JARID2: variants seen among roughly 807,000 people sequenced by gnomAD.
JARID2 encodes the protein protein Jumonji.
In JARID2, 21 loss-of-function variants were observed where a neutral mutation model predicts 125.6. That is an observed-to-expected ratio of 0.17 (90% confidence interval 0.12 to 0.24). The LOEUF is 0.24. Ranked by LOEUF, JARID2 falls within the 10% of genes least tolerant of loss-of-function variation. JARID2 has a pLI of 1.00. For missense variants in JARID2, 1,303 were observed against 1,639.6 expected, an observed-to-expected ratio of 0.79 and a Z score of 3.55; for synonymous variants, 736 against 661.6, an observed-to-expected ratio of 1.11 and a Z score of -1.73.
chr6:15,333,172 T>A (rs1581423458), intron 1 of JARID2, among the ~76,000 whole-genome samples: 1 of 152,104 alleles, frequency 6.6e-6, no homozygotes, highest in South Asian at 2.1e-4. Context: ...GACCTCGTGA[T>A]CCACCCGCCT....
intron 1 of JARID2, among the ~76,000 whole-genome samples, chr6:15,349,960 T>G (rs766436561): frequency 3.9e-5 from 6 of 152,200 alleles, no homozygotes; most frequent in Non-Finnish European, 7.3e-5. Flanking sequence ...AATCTGGATA[T>G]TCTCGGTTCT....
intron 1 of JARID2, among the ~76,000 whole-genome samples, chr6:15,297,805 C>T (rs1336682249): frequency 6.6e-6 from 1 of 151,522 alleles, no homozygotes; most frequent in African/African-American, 2.4e-5. Flanking sequence ...AGAGTGGAAA[C>T]AAGTACTAGA....
intron 1 of JARID2, among the ~76,000 whole-genome samples, chr6:15,249,406 G>C (rs1384621039): frequency 6.6e-6 from 1 of 152,200 alleles, no homozygotes; most frequent in Non-Finnish European, 1.5e-5. Flanking sequence ...ACCAAAGGAA[G>C]ACTTGTCATT....
chr6:15,295,188 C>G (rs1054879407), intron 1 of JARID2, among the ~76,000 whole-genome samples: 1 of 144,590 alleles, frequency 6.9e-6, no homozygotes, highest in Admixed American at 7.1e-5. Context: ...GTGACGCCAT[C>G]TTGGCTCACT....
intron 4 of JARID2, among the ~76,000 whole-genome samples, chr6:15,464,701 C>T (rs978433162): frequency 6.6e-6 from 1 of 152,226 alleles, no homozygotes; most frequent in Non-Finnish European, 1.5e-5. Context: ...CTACACTTTC[C>T]CTTTTCCCAG....
At chr6:15,440,966 A>G (rs375737508) in intron 3 of JARID2, among the ~76,000 whole-genome samples, 14 of 152,218 alleles carry the variant, frequency 9.2e-5, no homozygotes, top group African/African-American at 3.4e-4. Context: ...AGTTTAAGTA[A>G]TGCCCCATAC....
intron 1 of JARID2, among the ~76,000 whole-genome samples, chr6:15,263,214 AACACTGGTC>A: frequency 6.6e-6 from 1 of 151,808 alleles, no homozygotes; most frequent in Non-Finnish European, 1.5e-5. Flanking sequence ...GCAAACCGTA[AACACTGGTC>A]ACACGTGCTT....
intron 5 of JARID2, among the ~76,000 whole-genome samples, chr6:15,480,693 G>A (rs1393446754): frequency 6.6e-6 from 1 of 152,190 alleles, no homozygotes; most frequent in Non-Finnish European, 1.5e-5. Flanking sequence ...AGAACGCAAA[G>A]CACTTATATA....
chr6:15,468,431 G>A (rs1020469072), intron 4 of JARID2, 111 bp from the exon 5 acceptor site: 19 of 890,440 alleles, frequency 2.1e-5, no homozygotes, highest in Admixed American at 5.7e-5. Flanking sequence ...AATGGCAGTA[G>A]AGATCAGTTG....
intron 4 of JARID2, among the ~76,000 whole-genome samples, chr6:15,455,150 G>T (rs1768099718): frequency 6.7e-6 from 1 of 148,954 alleles, no homozygotes; most frequent in Non-Finnish European, 1.5e-5. Context: ...ACATGATTGT[G>T]CCTCAGCACT....
At chr6:15,416,601 T>C (rs1440152924) in intron 3 of JARID2, among the ~76,000 whole-genome samples, 1 of 151,600 alleles carries the variant, frequency 6.6e-6, no homozygotes, top group African/African-American at 2.4e-5. Context: ...GGCAGGAGAA[T>C]CAGGCAGGGA....
intron 1 of JARID2, chr6:15,248,064 G>A: frequency 1.0e-6 from 1 of 985,300 alleles, no homozygotes; most frequent in East Asian, 1.1e-4. Context: ...CGTGGGGTGG[G>A]TTTTCTTTCT....
intron 6 of JARID2, among the ~76,000 whole-genome samples, chr6:15,494,816 C>T (rs2237117): frequency 3.3e-5 from 5 of 151,960 alleles, no homozygotes; most frequent in Admixed American, 3.3e-4. Context: ...CATGTGACAG[C>T]AGCCTGCACA....
At chr6:15,423,908 G>A (rs1766609751) in intron 3 of JARID2, among the ~76,000 whole-genome samples, 1 of 152,014 alleles carries the variant, frequency 6.6e-6, no homozygotes, top group South Asian at 2.1e-4. Flanking sequence ...TCTTTGGGTG[G>A]AGCTCCGTTT....
Position 15,501,316 on chromosome 6 carries a change from C to T in JARID2, c.2355C>T (p.Gly785=). ...KEVGQAQLKT[G]RRRLFAQEKE... ...TGGGCCAGGCCCAGTTGAAGACTGG[C>T]CGGCGGCGACTCTTCGCTCAGGAAA... is the stretch of plus-strand genomic sequence containing the variant. Residue 785 remains glycine (G), a synonymous_variant, in exon 8 of 18, where the codon GGC becomes GGT. Coordinates refer to ENST00000341776, the MANE Select transcript of JARID2 (RefSeq NM_004973.4). 3 of 1,609,554 alleles carry T rather than the reference C, an allele frequency of 1.9e-6. No homozygotes were observed. Among genetic ancestry groups the T allele is most frequent in the Non-Finnish European group, 1.7e-6 (2 of 1,177,374 alleles).
intron 5 of JARID2, among the ~76,000 whole-genome samples, chr6:15,478,957 G>A (rs576107698): frequency 7.2e-5 from 11 of 152,198 alleles, no homozygotes; most frequent in African/African-American, 1.9e-4. Flanking sequence ...GAGCCACCGT[G>A]CCCGGCCGGA....
At chr6:15,468,418 TAA>T in intron 4 of JARID2, 122 bp from the exon 5 acceptor site, 1 of 747,036 alleles carries the variant, frequency 1.3e-6, no homozygotes, top group Non-Finnish European at 2.0e-6. Context: ...AAAATAAATT[TAA>T]AATGGCAGTA....
intron 1 of JARID2, among the ~76,000 whole-genome samples, chr6:15,263,909 T>G (rs1364820689): frequency 6.6e-6 from 1 of 152,156 alleles, no homozygotes; most frequent in East Asian, 1.9e-4. Context: ...TTTTATTTTT[T>G]AGATACAGGG....
intron 2 of JARID2, among the ~76,000 whole-genome samples, chr6:15,399,360 CCA>C (rs1765336798): frequency 1.3e-5 from 2 of 152,096 alleles, no homozygotes; most frequent in Admixed American, 6.5e-5. Context: ...TTGTTTTTAG[CCA>C]CAGTTTCATC....
Sources: allele counts gnomAD v4.1 joint callset (sites outside exome capture counted in the v4.1 genomes callset), GRCh38; gene constraint gnomAD v4.1.1; transcripts MANE v1.5; gene names NCBI Gene and HGNC (gene_info 2026-07-23, HGNC 2026-07-21).